ANKHD1: variants seen among roughly 807,000 people sequenced by gnomAD.
ANKHD1 encodes ankyrin repeat and KH domain-containing protein 1.
In ANKHD1, 31 loss-of-function variants were observed where a neutral mutation model predicts 230.5. The ratio of observed to expected loss-of-function variants is 0.13; its 90% confidence interval spans 0.10 to 0.18. The LOEUF (loss-of-function observed/expected upper bound fraction) is 0.18. ANKHD1 is among the 10% of genes least tolerant of loss of function. The probability of loss-of-function intolerance (pLI) is 1.00; values close to 1 mark genes in which losing one functional copy is unlikely to be tolerated. For missense variants in ANKHD1, 2,256 were observed against 3,071.3 expected, an observed-to-expected ratio of 0.73 and a Z score of 6.27; for synonymous variants, 1,074 against 1,117.6, an observed-to-expected ratio of 0.96 and a Z score of 0.78.
At chr5:140,534,996 G>A (rs1193054879) in intron 29 of ANKHD1, among the ~76,000 whole-genome samples, 1 of 152,174 alleles carries the variant, frequency 6.6e-6, no homozygotes, top group African/African-American at 2.4e-5. Flanking sequence ...AGGGAATGCA[G>A]GAGTTATTGT....
chr5:140,423,434 G>C (rs778901449), intron 1 of ANKHD1, among the ~76,000 whole-genome samples: 1 of 152,084 alleles, frequency 6.6e-6, no homozygotes, highest in Non-Finnish European at 1.5e-5. Flanking sequence ...GGCTCTAAGT[G>C]GCAGGTTTAA....
rs778787618 is a variant in ANKHD1, at chr5:140,440,966, A to G, written c.766-29A>G. The G allele has an allele frequency of 5.3e-6, 8 of 1,519,764 alleles. No homozygotes were observed. In the East Asian group the frequency reaches 9.9e-5, roughly 19 times the overall value. The allele number at this position is 1,519,764 out of a possible 1,614,324, so 94.1% of individuals were successfully genotyped here. ...TACTATTGAATAGTAAGAATTAACA[A>G]TTTCTCTGTCTGTATATGTGTTTTA... On this transcript the variant is annotated intron_variant, in intron 4 of 33. Coordinates refer to ENST00000360839, the MANE Select transcript of ANKHD1 (RefSeq NM_017747.3).
At chr5:140,498,991 T>G (rs1395405190) in intron 15 of ANKHD1, among the ~76,000 whole-genome samples, 1 of 152,060 alleles carries the variant, frequency 6.6e-6, no homozygotes, top group Non-Finnish European at 1.5e-5. Context: ...AAAATTGGCT[T>G]AGAAATTATC....
chr5:140,503,938 A>T (rs996578369), intron 15 of ANKHD1, among the ~76,000 whole-genome samples: 6 of 152,174 alleles, frequency 3.9e-5, no homozygotes, highest in African/African-American at 1.4e-4. Context: ...CATTTTAAAA[A>T]TAGTTGGACT....
In ANKHD1 at chr5:140,458,711, G is replaced by A. The variant is rs576986791; in HGVS notation, c.1329G>A (p.Thr443=). The A allele has an allele frequency of 1.2e-6, 2 of 1,613,130 alleles. No homozygotes were observed. The highest frequency in any genetic ancestry group is 8.5e-7 in the Non-Finnish European group (1 of 1,179,718). The change falls in exon 8 of 34, where the codon ACG becomes ACA. Residue 443 remains threonine (T), a synonymous_variant. Coordinates refer to ENST00000360839, the MANE Select transcript of ANKHD1 (RefSeq NM_017747.3). The stretch of plus-strand genomic sequence containing the variant: ...CAGATTCATTTGAATCTCCATTGAC[G>A]CTAGCTGCCTGTGGAGGACATGTTG... The part of the protein sequence containing the change: ...MPADSFESPL[T]LAACGGHVEL...
At chr5:140,427,261 G>C (rs1410035149) in intron 1 of ANKHD1, among the ~76,000 whole-genome samples, 1 of 147,308 alleles carries the variant, frequency 6.8e-6, no homozygotes, top group African/African-American at 2.5e-5. Context: ...GGGGTGGCTG[G>C]CCGGGCGGGG....
chr5:140,428,735 CTT>C (rs1489954410), intron 1 of ANKHD1, among the ~76,000 whole-genome samples: 1 of 152,048 alleles, frequency 6.6e-6, no homozygotes, highest in African/African-American at 2.4e-5. Flanking sequence ...GGTGATGACT[CTT>C]TGTTTTGTTT....
intron 7 of ANKHD1, among the ~76,000 whole-genome samples, chr5:140,456,393 A>G (rs1310237651): frequency 6.6e-6 from 1 of 152,196 alleles, no homozygotes; most frequent in Non-Finnish European, 1.5e-5. Context: ...AAAAGAGCCC[A>G]CATTGCCAAG....
At chr5:140,412,785 A>G (rs1771045982) in intron 1 of ANKHD1, among the ~76,000 whole-genome samples, 1 of 152,224 alleles carries the variant, frequency 6.6e-6, no homozygotes, top group African/African-American at 2.4e-5. Context: ...AGTAAAGATC[A>G]ATTGACTTAT....
At chr5:140,513,537 G>A (rs1261031779) in intron 24 of ANKHD1, 58 bp downstream of exon 24, 91 of 1,552,768 alleles carry the variant, frequency 5.9e-5, no homozygotes, top group Non-Finnish European at 7.4e-5. Context: ...GGCCGGGCAC[G>A]GTGGCTCACG....
chr5:140,484,735 C>T (rs1488703085), intron 11 of ANKHD1: 1 of 154,016 alleles, frequency 6.5e-6, no homozygotes, highest in Admixed American at 6.4e-5. Context: ...CTTCATGCAA[C>T]ATTGTGGATG....
chr5:140,513,591 C>T (rs1025412448), intron 24 of ANKHD1, 112 bp downstream of exon 24: 60 of 1,034,186 alleles, frequency 5.8e-5, no homozygotes, highest in Non-Finnish European at 7.5e-5. Flanking sequence ...GGTGGATTAC[C>T]TGAGGTCAGG....
chr5:140,464,556 A>G, intron 9 of ANKHD1, 111 bp from the exon 10 acceptor site: 2 of 927,254 alleles, frequency 2.2e-6, no homozygotes, highest in Non-Finnish European at 3.0e-6. Flanking sequence ...CTTAAAATGC[A>G]TTTTGATATT....
chr5:140,431,862 T>C (rs574667530), intron 1 of ANKHD1, among the ~76,000 whole-genome samples: 9 of 152,352 alleles, frequency 5.9e-5, no homozygotes, highest in Admixed American at 6.5e-5. Context: ...TTCTTCTGAA[T>C]TTGATTCTTC....
intron 1 of ANKHD1, among the ~76,000 whole-genome samples, chr5:140,406,855 G>A (rs1770499902): frequency 1.3e-5 from 2 of 151,694 alleles, no homozygotes; most frequent in Non-Finnish European, 2.9e-5. Flanking sequence ...TTTAAACATT[G>A]GGGTAAATAC....
chr5:140,529,897 T>C (rs1753738653), intron 29 of ANKHD1, 101 bp downstream of exon 29: 2 of 1,479,896 alleles, frequency 1.4e-6, no homozygotes, highest in Admixed American at 2.3e-5. Flanking sequence ...CAGTCACATA[T>C]AATGAGCTGC....
rs770055567 is a variant in ANKHD1 at position 140,528,709 on chromosome 5, A to C, written c.5763A>C (p.Leu1921Phe). The C allele has an allele frequency of 1.2e-6, 2 of 1,614,168 alleles. No individual in the cohort carries two copies. The highest frequency in any genetic ancestry group is 1.7e-6 in the Non-Finnish European group (2 of 1,180,024). ...TACCTAACCAGAACGGGACTGTTTT[A>C]CCCTCAGAGTCTGCTGGACTAGCTA... ...SRLPNQNGTV[L>F]PSESAGLATA... The change falls in exon 29 of 34, where the codon TTA (leucine) becomes TTC (phenylalanine). Residue 1921 changes from leucine to phenylalanine, a missense_variant. By Grantham distance (22) the Leu-to-Phe change is conservative. Coordinates refer to ENST00000360839, the MANE Select transcript of ANKHD1 (RefSeq NM_017747.3).
intron 10 of ANKHD1, chr5:140,472,446 G>A: frequency 7.4e-7 from 1 of 1,354,066 alleles, no homozygotes; most frequent in Non-Finnish European, 9.5e-7. Context: ...AGATTATGAA[G>A]TCCCAATAAA....
At position 140,470,851 on chromosome 5, in the gene ANKHD1, C is replaced by T. The variant is rs375569958; in HGVS notation, c.1782+6075C>T. On this transcript the variant is annotated intron_variant, in intron 10 of 33. Transcript: ENST00000360839. ...CATGTTGCCCAGGCTAGTCCTGAAC[C>T]GCTGGGCTCAAGCGATCTACCCACC... Among the ~76,000 whole-genome samples the T allele has an allele frequency of 3.6e-4, 55 of 151,800 alleles. No individual in the cohort carries two copies. In the East Asian group the frequency reaches 5.4e-3, roughly 15 times the overall value.
Sources: allele counts gnomAD v4.1 joint callset (sites outside exome capture counted in the v4.1 genomes callset), GRCh38; gene constraint gnomAD v4.1.1; transcripts MANE v1.5; gene names NCBI Gene and HGNC (gene_info 2026-07-23, HGNC 2026-07-21).